NMT1: variants seen among roughly 807,000 people sequenced by gnomAD.
NMT1 encodes the protein N-myristoyltransferase 1.
A neutral mutation model predicts 63.4 loss-of-function variants in NMT1; 12 were observed. The observed-to-expected ratio is 0.19, with a 90% CI of 0.12 to 0.31. The LOEUF is 0.31. Ranked by LOEUF, NMT1 falls within the 10% of genes least tolerant of loss-of-function variation. The pLI, the probability that NMT1 is intolerant of heterozygous loss-of-function variation, is 1.00. For missense variants in NMT1, 432 were observed against 634.6 expected, an observed-to-expected ratio of 0.68 and a Z score of 3.43; for synonymous variants, 228 against 234.3, an observed-to-expected ratio of 0.97 and a Z score of 0.25.
intron 3 of NMT1, among the ~76,000 whole-genome samples, chr17:45,091,073 G>A (rs1204370329): frequency 2.6e-5 from 4 of 152,078 alleles, no homozygotes; most frequent in Admixed American, 6.6e-5. Context: ...AGTGTTTCCT[G>A]TAGCTCTACT....
At chr17:45,068,428 C>T (rs1033080055) in intron 1 of NMT1, among the ~76,000 whole-genome samples, 4 of 152,124 alleles carry the variant, frequency 2.6e-5, no homozygotes, top group Non-Finnish European at 4.4e-5. Flanking sequence ...GCCCAGATGG[C>T]GCCATTGCAC....
At chr17:45,068,838 G>A (rs971744699) in intron 1 of NMT1, among the ~76,000 whole-genome samples, 7 of 152,260 alleles carry the variant, frequency 4.6e-5, no homozygotes, top group South Asian at 2.1e-4. Flanking sequence ...ATAGAGACAC[G>A]GTTTTGCCAT....
intron 1 of NMT1, among the ~76,000 whole-genome samples, chr17:45,077,191 C>G (rs978481702): frequency 7.2e-5 from 11 of 152,058 alleles, no homozygotes; most frequent in African/African-American, 2.7e-4. Flanking sequence ...CTTTTTGATT[C>G]TTTCTTTTGT....
chr17:45,098,958 A>G, intron 7 of NMT1: 1 of 228,890 alleles, frequency 4.4e-6, no homozygotes, highest in African/African-American at 2.2e-5. Context: ...ATGTGATCTA[A>G]GGGCAACCTC....
At chr17:45,099,035 C>T (rs1288032820) in intron 7 of NMT1, among the ~76,000 whole-genome samples, 1 of 151,996 alleles carries the variant, frequency 6.6e-6, no homozygotes, top group African/African-American at 2.4e-5. Flanking sequence ...GTAAAAACAC[C>T]AGGTGTGAAA....
At chr17:45,067,587 A>G (rs1217275927) in intron 1 of NMT1, among the ~76,000 whole-genome samples, 1 of 152,214 alleles carries the variant, frequency 6.6e-6, no homozygotes, top group Admixed American at 6.5e-5. Context: ...AGCTTCTCCA[A>G]GAGTCGTTCT....
At chr17:45,077,652 AGTGCTGAGATTACAGGC>A (rs1287158406) in intron 1 of NMT1, among the ~76,000 whole-genome samples, 5 of 152,184 alleles carry the variant, frequency 3.3e-5, no homozygotes, top group African/African-American at 1.2e-4. Context: ...GGCCTCCCAA[AGTGCTGAGATTACAGGC>A]GTGAGCCACC....
intron 4 of NMT1, among the ~76,000 whole-genome samples, chr17:45,094,508 A>AT (rs1170350184): frequency 2.0e-5 from 3 of 150,126 alleles, no homozygotes; most frequent in Non-Finnish European, 4.4e-5. Flanking sequence ...AAAAAAAAAA[A>AT]GTCAACAGAA....
At chr17:45,096,660 C>T (rs1375096421) in intron 5 of NMT1, among the ~76,000 whole-genome samples, 4 of 152,212 alleles carry the variant, frequency 2.6e-5, no homozygotes, top group African/African-American at 9.6e-5. Context: ...GAGCCATCCA[C>T]CTGCCCAGGC....
intron 1 of NMT1, among the ~76,000 whole-genome samples, chr17:45,079,722 C>T (rs981236999): frequency 3.9e-5 from 6 of 152,044 alleles, no homozygotes; most frequent in African/African-American, 9.7e-5. Flanking sequence ...TTTTTTGAGA[C>T]GGAGTCTCGC....
Position 45,097,175 on chromosome 17 carries a change from G to A in NMT1, c.644G>A (p.Arg215Gln). ...CTCCCCCAGTGGCACTGTGGGGTTCGAGTGGTCTCAAGTCGGAAATTGGTT... is the reference window on the plus strand; with the variant it reads ...CTCCCCCAGTGGCACTGTGGGGTTCAAGTGGTCTCAAGTCGGAAATTGGTT... The part of the protein sequence containing the change: ...GWLPQWHCGV[R>Q]VVSSRKLVGF... Residue 215 changes from arginine (R) to glutamine (Q), a missense_variant, in exon 6 of 12, where the codon CGA becomes CAA. By Grantham distance (43) the Arg-to-Gln change is conservative (BLOSUM62 1). Around this residue, in one of 4 missense-constraint regions of NMT1, gnomAD observed 295 missense variants for 489.7 expected, o/e 0.60. Transcript: ENST00000258960. 1 of 1,614,202 alleles carries A rather than the reference G, an allele frequency of 6.2e-7. No homozygotes were observed. The highest frequency in any genetic ancestry group is 8.5e-7 in the Non-Finnish European group (1 of 1,180,042).
At chr17:45,068,961 G>GT (rs1057262044) in intron 1 of NMT1, among the ~76,000 whole-genome samples, 10 of 128,062 alleles carry the variant, frequency 7.8e-5, no homozygotes, top group South Asian at 2.6e-4. Context: ...TTAGTTTTTT[G>GT]TTTTTTTGGG....
intron 2 of NMT1, among the ~76,000 whole-genome samples, chr17:45,082,116 C>A (rs965588156): frequency 2.0e-5 from 3 of 152,058 alleles, no homozygotes; most frequent in Admixed American, 6.6e-5. Flanking sequence ...AAGGCCCCCC[C>A]TTTCTTTTTG....
At chr17:45,095,975 C>T (rs906387521) in intron 4 of NMT1, among the ~76,000 whole-genome samples, 3 of 152,144 alleles carry the variant, frequency 2.0e-5, no homozygotes, top group Admixed American at 6.6e-5. Context: ...GTGGCATTCT[C>T]GGTCTGCCAC....
At position 45,093,647 on chromosome 17, in the gene NMT1, G is replaced by A. The variant is rs2054103728; in HGVS notation, c.386-38G>A. On this transcript the variant is annotated intron_variant, in intron 3 of 11. Coordinates refer to ENST00000258960, the MANE Select transcript of NMT1 (RefSeq NM_021079.5). ...ACTGAGCCCTTTACTGCCCCGAGGG[G>A]GCAAAGGGTGAGGCTCACAGCTGTG... The A allele has an allele frequency of 3.8e-6, 6 of 1,582,334 alleles. No homozygotes were observed. In the East Asian group the frequency reaches 8.9e-5, roughly 24 times the overall value.
intron 2 of NMT1, 107 bp downstream of exon 2, chr17:45,081,859 C>T: frequency 1.2e-6 from 1 of 852,584 alleles, no homozygotes; most frequent in Non-Finnish European, 1.8e-6. Flanking sequence ...ACTGGTATTA[C>T]TTCAAGATGG....
rs1223137653 is a variant in NMT1 at position 45,091,657 on chromosome 17, G to GTTT, written c.386-2023_386-2021dup. Among the ~76,000 whole-genome samples, 6 of 152,238 alleles carry GTTT rather than the reference G, an allele frequency of 3.9e-5. No individual in the cohort carries two copies. The South Asian group carries it at 1.2e-3, about 32-fold the overall frequency. On this transcript the variant is annotated intron_variant, in intron 3 of 11. Coordinates refer to ENST00000258960, the MANE Select transcript of NMT1 (RefSeq NM_021079.5). The stretch of plus-strand genomic sequence containing the variant: ...CCCTCAGTTTTGTAGGCTCAAAAAT[G>GTTT]TTTTTTTAATATACATAGCTGTCAG...
chr17:45,100,862 CAAAAAAAAAAAAAAAAAAAAAA>C (rs71136069), intron 8 of NMT1, among the ~76,000 whole-genome samples: 651 of 32,654 alleles, frequency 0.02, 22 homozygotes, highest in Admixed American at 0.063. Flanking sequence ...GACTCCGTCT[CAAAAAAAAAAAAAAAAAAAAAA>C]AAAAAAAAAA....
intron 2 of NMT1, among the ~76,000 whole-genome samples, chr17:45,085,136 C>G (rs572382989): frequency 3.6e-4 from 55 of 152,188 alleles, no homozygotes; most frequent in African/African-American, 1.3e-3. Flanking sequence ...GCCTATAGTT[C>G]CAGCTACTCA....
Sources: allele counts gnomAD v4.1 joint callset (sites outside exome capture counted in the v4.1 genomes callset), GRCh38; gene constraint gnomAD v4.1.1; regional missense constraint gnomAD v4.1.1; transcripts MANE v1.5; gene names NCBI Gene and HGNC (gene_info 2026-07-23, HGNC 2026-07-21).